The following PDE8A variants were observed in gnomAD, a reference collection of about 807,000 sequenced individuals.
PDE8A encodes high affinity cAMP-specific and IBMX-insensitive 3',5'-cyclic phosphodiesterase 8A.
Under a neutral mutation model 105.0 loss-of-function variants are expected in PDE8A, and 59 were observed. That is an observed-to-expected ratio of 0.56 (90% CI 0.46 to 0.70). The LOEUF (loss-of-function observed/expected upper bound fraction) is 0.70, where lower values mean the gene tolerates loss of function less well. Ranked by LOEUF, PDE8A falls within the 30% of genes least tolerant of loss-of-function variation. The pLI is 0.00. For synonymous variants in PDE8A, 355 were observed against 371.9 expected (o/e 0.95, Z 0.52); for missense variants, 1,014 against 1,045.9 (o/e 0.97, Z 0.42).
intron 13 of PDE8A, among the ~76,000 whole-genome samples, 165 bp from the exon 14 acceptor site, chr15:85,113,708 G>A (rs942727457): frequency 2.6e-5 from 4 of 152,106 alleles, no homozygotes; most frequent in African/African-American, 9.7e-5. Flanking sequence ...TTAGAGATGT[G>A]CTCTCTCATT....
intron 21 of PDE8A, 148 bp downstream of exon 21, chr15:85,136,811 G>A: frequency 1.4e-6 from 1 of 705,252 alleles, no homozygotes; most frequent in Non-Finnish European, 2.3e-6. Flanking sequence ...GAGGGCCCCT[G>A]AGGGCTAGGT....
intron 6 of PDE8A, among the ~76,000 whole-genome samples, chr15:85,085,024 A>G (rs1243831796): frequency 6.6e-6 from 1 of 152,146 alleles, no homozygotes; most frequent in African/African-American, 2.4e-5. Flanking sequence ...CCCTATGTCT[A>G]GTCTTGACTC....
chr15:85,044,099 C>G (rs965149560), intron 1 of PDE8A, among the ~76,000 whole-genome samples: 1 of 152,168 alleles, frequency 6.6e-6, no homozygotes, highest in African/African-American at 2.4e-5. Flanking sequence ...GCAAAAGCTT[C>G]TTGGAAAATA....
intron 1 of PDE8A, among the ~76,000 whole-genome samples, chr15:85,040,564 T>G (rs962825915): frequency 7.1e-6 from 1 of 140,470 alleles, no homozygotes; most frequent in Non-Finnish European, 1.5e-5. Context: ...GCTTATGTAT[T>G]TTTTTTTTTT....
At position 85,113,440 on chromosome 15, in the gene PDE8A, T is replaced by C. The variant is rs774901746; in HGVS notation, c.1178T>C (p.Ile393Thr). Residue 393 changes from isoleucine (I) to threonine (T), a missense_variant, in exon 13 of 22, where the codon ATC becomes ACC. Ile to Thr is a moderately conservative substitution (Grantham distance 89, BLOSUM62 -1). Coordinates refer to ENST00000394553, the MANE Select transcript of PDE8A (RefSeq NM_002605.3). The stretch of plus-strand genomic sequence containing the variant: ...CATTCCATGACAATTGAGGCGCCCA[T>C]CACCAAGGTGAAGCAGTTTGTGGTC... The part of the protein sequence containing the change: ...RIHSMTIEAP[I>T]TKVINIINAA... 2 of 1,613,710 alleles carry C rather than the reference T, an allele frequency of 1.2e-6. No homozygotes were observed. The highest frequency in any genetic ancestry group is 8.5e-7 in the Non-Finnish European group (1 of 1,179,638).
At chr15:84,993,604 G>A (rs371481537) in intron 1 of PDE8A, among the ~76,000 whole-genome samples, 11 of 152,152 alleles carry the variant, frequency 7.2e-5, no homozygotes, top group East Asian at 3.9e-4. Context: ...TGGGCTGGGC[G>A]TAGTGGCTCA....
chr15:85,116,281 C>G (rs918192290), intron 16 of PDE8A, 162 bp downstream of exon 16: 1 of 614,982 alleles, frequency 1.6e-6, no homozygotes, highest in Non-Finnish European at 2.8e-6. Context: ...TCACCAGGGC[C>G]TGGGGGAGAG....
Position 85,113,981 on chromosome 15 carries a change from T to G in PDE8A, c.1294T>G (p.Phe432Val). ...AACCACTGAGTTATATTCACCACAG[T>G]TTGGTGCTAAAGATGATGATCCCCA... is the stretch of plus-strand genomic sequence containing the variant. ...LRTTELYSPQFGAKDDDPHAN... is the reference protein window; with the variant it reads ...LRTTELYSPQVGAKDDDPHAN... The change falls in exon 14 of 22, where the codon TTT becomes GTT. Residue 432 changes from phenylalanine (F) to valine (V), a missense_variant. Coordinates refer to ENST00000394553, the MANE Select transcript of PDE8A (RefSeq NM_002605.3). 6.2e-7 allele frequency: 1 copy of G among 1,613,918 alleles called. No homozygotes were observed. The highest frequency in any genetic ancestry group is 1.3e-5 in the African/African-American group (1 of 75,024).
Position 85,067,157 on chromosome 15 carries a change from C to T in PDE8A, c.387C>T (p.Ile129=), listed in dbSNP as rs1386570012. 1.2e-6 allele frequency: 2 copies of T among 1,614,016 alleles called. No homozygotes were observed. Among genetic ancestry groups the T allele is most frequent in the Non-Finnish European group, 1.7e-6 (2 of 1,179,956 alleles). Reference sequence around the variant, plus strand: ...TGGACAAACATCATGACATTATCATCATAGACCACAGAAATCCTCGACAGC... The same window carrying T: ...TGGACAAACATCATGACATTATCATTATAGACCACAGAAATCCTCGACAGC... ...CFLDKHHDII[I]IDHRNPRQLD... Residue 129 remains isoleucine, a synonymous_variant, in exon 3 of 22, where the codon ATC becomes ATT. Coordinates refer to ENST00000394553, the MANE Select transcript of PDE8A (RefSeq NM_002605.3).
intron 7 of PDE8A, among the ~76,000 whole-genome samples, chr15:85,089,635 G>T (rs931851371): frequency 6.6e-6 from 1 of 152,072 alleles, no homozygotes; most frequent in Non-Finnish European, 1.5e-5. Context: ...GAAAATGCCT[G>T]TAGAAATGCC....
At chr15:85,028,686 T>C (rs1337598011) in intron 1 of PDE8A, among the ~76,000 whole-genome samples, 1 of 152,170 alleles carries the variant, frequency 6.6e-6, no homozygotes, top group East Asian at 1.9e-4. Flanking sequence ...TTAACTTCTT[T>C]AGCATTTTAC....
intron 17 of PDE8A, among the ~76,000 whole-genome samples, chr15:85,118,308 T>G (rs1015136791): frequency 6.6e-6 from 1 of 152,142 alleles, no homozygotes; most frequent in Non-Finnish European, 1.5e-5. Flanking sequence ...ATACCCAGAT[T>G]AGAAACCGAG....
chr15:85,043,747 G>T (rs556459993), intron 1 of PDE8A, among the ~76,000 whole-genome samples: 1 of 152,098 alleles, frequency 6.6e-6, no homozygotes, highest in Non-Finnish European at 1.5e-5. Flanking sequence ...GCCCAGGCTG[G>T]AGTGCAGTCG....
chr15:85,034,018 A>C (rs1032283811), intron 1 of PDE8A, among the ~76,000 whole-genome samples: 2 of 152,236 alleles, frequency 1.3e-5, no homozygotes, highest in Non-Finnish European at 2.9e-5. Context: ...TGGAAAAATT[A>C]ACATAGAGTG....
rs572175761 is a variant in PDE8A at position 84,994,599 on chromosome 15, T to A, written c.186+12251T>A. Among the ~76,000 whole-genome samples the A allele has an allele frequency of 9.8e-5, 15 of 152,374 alleles. No homozygotes were observed. In the South Asian group the frequency reaches 2.9e-3, roughly 29 times the overall value. On this transcript the variant is annotated intron_variant, in intron 1 of 21. Transcript: ENST00000394553. ...ATTTTACATTAGCATTTTACTGTAC[T>A]TGCTTTATCACATATATCCATGTAT...
chr15:85,024,205 A>G (rs1018059492), intron 1 of PDE8A, among the ~76,000 whole-genome samples: 2 of 151,304 alleles, frequency 1.3e-5, no homozygotes, highest in African/African-American at 4.8e-5. Flanking sequence ...GCTTATCTCT[A>G]ACTTAGCAGG....
At chr15:85,044,428 G>T (rs2080857783) in intron 1 of PDE8A, among the ~76,000 whole-genome samples, 1 of 152,192 alleles carries the variant, frequency 6.6e-6, no homozygotes, top group Non-Finnish European at 1.5e-5. Flanking sequence ...AAGCAGCTGA[G>T]AACTTTGCCT....
chr15:85,008,755 C>T (rs1388922520), intron 1 of PDE8A, among the ~76,000 whole-genome samples: 4 of 152,152 alleles, frequency 2.6e-5, no homozygotes, highest in Non-Finnish European at 5.9e-5. Context: ...CCATTACCAC[C>T]TTCATCCCAC....
At chr15:85,118,873 G>C (rs548429389) in intron 17 of PDE8A, among the ~76,000 whole-genome samples, 7 of 152,278 alleles carry the variant, frequency 4.6e-5, no homozygotes, top group South Asian at 4.1e-4. Flanking sequence ...GGCACACACA[G>C]GGAGTGAACA....
Sources: allele counts gnomAD v4.1 joint callset (sites outside exome capture counted in the v4.1 genomes callset), GRCh38; gene constraint gnomAD v4.1.1; transcripts MANE v1.5; gene names NCBI Gene and HGNC (gene_info 2026-07-23, HGNC 2026-07-21).